Variants in C11orf65 observed in about 807,000 individuals in gnomAD.
The protein encoded by C11orf65 is protein MFI.
A neutral mutation model predicts 35.3 loss-of-function variants in C11orf65; 38 were observed. The observed-to-expected ratio is 1.08, with a 90% confidence interval of 0.83 to 1.41. The LOEUF (loss-of-function observed/expected upper bound fraction) is 1.41. C11orf65 is among the 40% of genes most tolerant of loss of function. The pLI is 0.00. For missense variants in C11orf65, 370 were observed against 367.1 expected (o/e 1.01, Z -0.06); for synonymous variants, 105 against 114.4 (o/e 0.92, Z 0.53).
chr11:108,315,690 A>G (rs752425566), intron 6 of C11orf65: 58 of 715,914 alleles, frequency 8.1e-5, no homozygotes, highest in Non-Finnish European at 1.3e-4. Flanking sequence ...TTTCAGAATC[A>G]TTACATTTTA....
intron 7 of C11orf65, among the ~76,000 whole-genome samples, chr11:108,388,016 T>A (rs1014637631): frequency 3.3e-5 from 5 of 152,200 alleles, no homozygotes; most frequent in African/African-American, 1.2e-4. Context: ...CAGTAGGCAA[T>A]TCAGTTTGGT....
At chr11:108,366,536 T>G (rs1330653822) in intron 2 of C11orf65, 2 of 229,032 alleles carry the variant, frequency 8.7e-6, no homozygotes, top group Non-Finnish European at 1.7e-5. Context: ...CAGTTTTGTC[T>G]TTTTGAAAAG....
intron 3 of C11orf65, among the ~76,000 whole-genome samples, chr11:108,417,325 C>CT (rs374892466): frequency 5.0e-4 from 76 of 152,010 alleles, no homozygotes; most frequent in Admixed American, 3.3e-3. Flanking sequence ...GGAGGATTGC[C>CT]TGAGTTCAGG....
chr11:108,401,759 A>G (rs564215819), intron 6 of C11orf65, among the ~76,000 whole-genome samples: 3 of 152,274 alleles, frequency 2.0e-5, no homozygotes, highest in South Asian at 4.1e-4. Flanking sequence ...CCTCTACCCC[A>G]TCGGTCTCTC....
chr11:108,381,935 G>GCTCT (rs34839130), downstream of C11orf65, among the ~76,000 whole-genome samples: 5 of 150,068 alleles, frequency 3.3e-5, no homozygotes, highest in African/African-American at 9.8e-5. Flanking sequence ...CTTCCTCCTT[G>GCTCT]CTCTCTCTCT....
At chr11:108,420,247 A>G (rs959425392) in intron 3 of C11orf65, among the ~76,000 whole-genome samples, 4 of 152,246 alleles carry the variant, frequency 2.6e-5, no homozygotes, top group East Asian at 3.8e-4. Context: ...GAAGAACTAA[A>G]TAACATTTCA....
chr11:108,400,472 C>G (rs1456972019), intron 6 of C11orf65, among the ~76,000 whole-genome samples: 2 of 152,158 alleles, frequency 1.3e-5, no homozygotes, highest in African/African-American at 4.8e-5. Context: ...CCCCTGGGGA[C>G]AAGAGCAGGA....
intron 2 of C11orf65, among the ~76,000 whole-genome samples, chr11:108,437,243 C>T (rs1779272005): frequency 6.6e-6 from 1 of 152,010 alleles, no homozygotes; most frequent in Admixed American, 6.6e-5. Context: ...GCTATGATTG[C>T]ACCACTGCAC....
chr11:108,373,684 G>T (rs2091634473), intron 2 of C11orf65, among the ~76,000 whole-genome samples: 1 of 152,194 alleles, frequency 6.6e-6, no homozygotes, highest in Admixed American at 6.5e-5. Context: ...CAGGACAGTG[G>T]GTGCAGCGCA....
At chr11:108,455,957 C>T (rs748603424) in intron 2 of C11orf65, among the ~76,000 whole-genome samples, 2 of 151,756 alleles carry the variant, frequency 1.3e-5, no homozygotes, top group Non-Finnish European at 2.9e-5. Flanking sequence ...AGTTAAGAGA[C>T]CAGCACGGGC....
At chr11:108,413,786 T>C (rs367823032) in intron 3 of C11orf65, among the ~76,000 whole-genome samples, 20 of 152,044 alleles carry the variant, frequency 1.3e-4, no homozygotes, top group African/African-American at 4.6e-4. Flanking sequence ...ACCCCAAAAC[T>C]TGAAAATTAA....
intron 2 of C11orf65, chr11:108,368,021 A>G (rs1018387139): frequency 1.5e-5 from 3 of 206,782 alleles, no homozygotes; most frequent in Admixed American, 6.0e-5. Context: ...AATTCTTGCT[A>G]GTTGTTGCAT....
intron 6 of C11orf65, among the ~76,000 whole-genome samples, chr11:108,396,437 T>C (rs1212828059): frequency 1.3e-5 from 2 of 152,180 alleles, no homozygotes; most frequent in Non-Finnish European, 2.9e-5. Context: ...AATTCAGATA[T>C]CTTTTTTCTC....
At chr11:108,408,736 T>TAACATAACATAACATAACATAACATAAC (rs1565660272) in intron 3 of C11orf65, among the ~76,000 whole-genome samples, 1 of 99,590 alleles carries the variant, frequency 1.0e-5, no homozygotes, top group African/African-American at 3.3e-5. Context: ...AATAAAATGA[T>TAACATAACATAACATAACATAACATAAC]ATAAGAATTG....
In C11orf65 at chr11:108,345,939, C is replaced by T. The variant is rs1399796541; in HGVS notation, c.227-10647G>A. 1.9e-6 allele frequency: 3 copies of T among 1,611,378 alleles called. No individual in the cohort carries two copies. In the Admixed American group the frequency reaches 5.0e-5, roughly 27 times the overall value. On this transcript the variant is annotated intron_variant, in intron 2 of 3. Coordinates refer to the C11orf65 transcript ENST00000524755. ...CTTCTTGTACATATAGTAGATTGAG[C>T]ACTTTGTTGTTTGGCAGGTTTTATT... is the stretch of plus-strand genomic sequence containing the variant.
chr11:108,404,869 G>A (rs1055141791), intron 6 of C11orf65, among the ~76,000 whole-genome samples: 4 of 152,150 alleles, frequency 2.6e-5, no homozygotes, highest in African/African-American at 4.8e-5. Flanking sequence ...GTTGGGATTC[G>A]ATCAGGCTGC....
intron 2 of C11orf65, among the ~76,000 whole-genome samples, chr11:108,344,724 G>A (rs1259167278): frequency 1.3e-5 from 2 of 152,002 alleles, no homozygotes; most frequent in African/African-American, 2.4e-5. Context: ...AGGTTGGGGG[G>A]CGGGTGTGGT....
At chr11:108,331,134 T>A, downstream of C11orf65, 1 of 1,064,860 alleles carries the variant, frequency 9.4e-7, no homozygotes, top group East Asian at 7.5e-5. Context: ...GGAATCAAGA[T>A]CACAGTCACA....
At chr11:108,361,158 C>CA (rs1433024071) in intron 2 of C11orf65, among the ~76,000 whole-genome samples, 3 of 129,346 alleles carry the variant, frequency 2.3e-5, no homozygotes, top group Non-Finnish European at 4.8e-5. Context: ...CAACAACAGA[C>CA]AAACAGAGAG....
Sources: allele counts gnomAD v4.1 joint callset (sites outside exome capture counted in the v4.1 genomes callset), GRCh38; gene constraint gnomAD v4.1.1; transcripts MANE v1.5; gene names NCBI Gene and HGNC (gene_info 2026-07-23, HGNC 2026-07-21).